RNF31: variants seen among roughly 807,000 people sequenced by gnomAD.
The protein encoded by RNF31 is E3 ubiquitin-protein ligase RNF31.
A neutral mutation model predicts 133.6 loss-of-function variants in RNF31; 38 were observed. The ratio of observed to expected loss-of-function variants is 0.28; its 90% CI spans 0.22 to 0.37. The LOEUF (loss-of-function observed/expected upper bound fraction) is 0.37, where lower values mean the gene tolerates loss of function less well. RNF31 is among the 10% of genes least tolerant of loss of function. RNF31 has a pLI of 1.00. For synonymous variants in RNF31, 582 were observed against 552.3 expected, an observed-to-expected ratio of 1.05 and a Z score of -0.75; for missense variants, 1,118 against 1,394.1, an observed-to-expected ratio of 0.80 and a Z score of 3.15.
Position 24,149,417 on chromosome 14 carries a change from G to C in RNF31, c.643G>C (p.Gly215Arg), listed in dbSNP as rs775351085. 1.4e-5 allele frequency: 23 copies of C among 1,613,828 alleles called. No homozygotes were observed. The highest frequency in any genetic ancestry group is 1.9e-5 in the Non-Finnish European group (22 of 1,179,792). Residue 215 changes from glycine to arginine, a missense_variant, in exon 6 of 21, where the codon GGT (glycine) becomes CGT (arginine). Gly to Arg is a moderately radical substitution (Grantham distance 125). Around this residue, in one of 3 missense-constraint regions of RNF31, gnomAD observed 747 missense variants for 827.9 expected, o/e 0.90. Transcript: ENST00000324103. ...TTPSVPGSTP[G>R]PCFLCGSAPG... Reference sequence around the variant, plus strand: ...CTCCTGCCCTCCAGGCTCCACTCCTGGTCCCTGCTTCCTCTGTGGTTCTGC... The same window carrying C: ...CTCCTGCCCTCCAGGCTCCACTCCTCGTCCCTGCTTCCTCTGTGGTTCTGC...
intron 2 of RNF31, 52 bp downstream of exon 2, chr14:24,148,174 C>T (rs2038200634): frequency 1.9e-6 from 3 of 1,613,108 alleles, no homozygotes; most frequent in South Asian, 2.2e-5. Context: ...CTAGAAAAGG[C>T]CTGAGGTTGT....
chr14:24,157,349 C>G lies in RNF31; in HGVS notation c.2553C>G (p.Asn851Lys). The change falls in exon 15 of 21, where the codon AAC (asparagine) becomes AAG (lysine). Residue 851 changes from asparagine to lysine, a missense_variant. Around this residue, in one of 3 missense-constraint regions of RNF31, gnomAD observed 201 missense variants for 371.7 expected, o/e 0.54. Transcript: ENST00000324103. ...CEDFQNWKRM[N>K]DPEYQAQGLA... is the part of the protein sequence containing the mutation. ...ACTTCCAGAACTGGAAACGCATGAA[C>G]GACCCAGAATACCAGGCCCAGGGCC... 5 of 1,612,748 alleles carry G rather than the reference C, an allele frequency of 3.1e-6. No individual in the cohort carries two copies. Among genetic ancestry groups the G allele is most frequent in the Non-Finnish European group, 4.2e-6 (5 of 1,178,862 alleles).
Position 24,148,420 on chromosome 14 carries a change from T to A in RNF31, c.495+7T>A. 6.2e-7 allele frequency: 1 copy of A among 1,613,520 alleles called. No homozygotes were observed. Among genetic ancestry groups the A allele is most frequent in the South Asian group, 1.1e-5 (1 of 91,048 alleles). On this transcript the variant is annotated splice_region_variant and intron_variant, in intron 3 of 20. Transcript: ENST00000324103. ...GCTCAGCCTGCTATTGCAGGTGAGATGCTCCTCTAGTCTTGATGGACTTAT... is the reference window on the plus strand; with the variant it reads ...GCTCAGCCTGCTATTGCAGGTGAGAAGCTCCTCTAGTCTTGATGGACTTAT...
In RNF31 at chr14:24,148,719, G is replaced by A. The variant is rs754488057; in HGVS notation, c.555+18G>A. On this transcript the variant is annotated intron_variant, in intron 4 of 20. Transcript: ENST00000324103. The stretch of plus-strand genomic sequence containing the variant: ...AAGATGATGTAAGGAAGGCAGGAAA[G>A]GGGCTGGTGTACAAAGGAAACAGGA... The A allele has an allele frequency of 2.5e-6, 4 of 1,614,086 alleles. No individual in the cohort carries two copies. The highest frequency in any genetic ancestry group is 1.6e-4 in the Middle Eastern group (1 of 6,062).
rs367834379 is a variant in RNF31 at position 24,151,430 on chromosome 14, A to C, written c.1737+51A>C. Reference sequence around the variant, plus strand: ...AGGGTCGAGAGTCTGCATCTCTCACACTCTCCCTTGCTTGCTTTCCCACTT... The same window carrying C: ...AGGGTCGAGAGTCTGCATCTCTCACCCTCTCCCTTGCTTGCTTTCCCACTT... On this transcript the variant is annotated intron_variant, in intron 9 of 20. Coordinates refer to ENST00000324103, the MANE Select transcript of RNF31 (RefSeq NM_017999.5). This position sits in a 1 kb window ranked among gnomAD's most constrained non-coding sequence, Gnocchi z 5.3. The C allele has an allele frequency of 5.6e-5, 90 of 1,612,308 alleles. 1 individual carries two copies. The South Asian group carries it at 9.4e-4, about 17-fold the overall frequency.
At position 24,148,883 on chromosome 14, in the gene RNF31, T is replaced by C. The variant is rs779132572; in HGVS notation, c.631+7T>C. 1.9e-6 allele frequency: 3 copies of C among 1,613,128 alleles called. No homozygotes were observed. The highest frequency in any genetic ancestry group is 4.5e-5 in the East Asian group (2 of 44,900). On this transcript the variant is annotated splice_region_variant and intron_variant, in intron 5 of 20. Transcript: ENST00000324103. ...ACCACACCCTCTGTCCCAGGTATTATTGGTCCTAAATTGGGGACCAGGTAG... is the reference window on the plus strand; with the variant it reads ...ACCACACCCTCTGTCCCAGGTATTACTGGTCCTAAATTGGGGACCAGGTAG...
At chr14:24,148,209 T>A in intron 2 of RNF31, 49 bp from the exon 3 acceptor site, 1 of 1,613,316 alleles carries the variant, frequency 6.2e-7, no homozygotes, top group Non-Finnish European at 8.5e-7. Context: ...GGTCCAGCCC[T>A]ACTAGGCAGG....
chr14:24,153,760 C>T (rs1003065190), intron 11 of RNF31, among the ~76,000 whole-genome samples: 67 of 151,374 alleles, frequency 4.4e-4, no homozygotes, highest in Non-Finnish European at 8.4e-4. Flanking sequence ...AAAAATTAGC[C>T]GGGTGTGGTA....
intron 17 of RNF31, 43 bp downstream of exon 17, chr14:24,158,054 G>T (rs1179205163): frequency 6.2e-7 from 1 of 1,611,832 alleles, no homozygotes; most frequent in Admixed American, 1.7e-5. Context: ...CCCAGGGTGG[G>T]CAAGAATGGA....
In RNF31 at chr14:24,147,969, C is replaced by T. The variant is rs1169184735; in HGVS notation, c.193-7C>T. On this transcript the variant is annotated splice_region_variant and splice_polypyrimidine_tract_variant and intron_variant, in intron 1 of 20. Coordinates refer to ENST00000324103, the MANE Select transcript of RNF31 (RefSeq NM_017999.5). Reference sequence around the variant, plus strand: ...CGCTCACACCTCTCTGCTCTCCTTGCTCCCAGCCCCGAAACTACCTCAACA... The same window carrying T: ...CGCTCACACCTCTCTGCTCTCCTTGTTCCCAGCCCCGAAACTACCTCAACA... The T allele has an allele frequency of 1.9e-6, 3 of 1,614,206 alleles. No individual in the cohort carries two copies. Among genetic ancestry groups the T allele is most frequent in the Non-Finnish European group, 2.5e-6 (3 of 1,180,032 alleles).
In RNF31 at chr14:24,150,736, C is replaced by T. The variant is rs552759870; in HGVS notation, c.1336C>T (p.Arg446Trp). The change falls in exon 8 of 21, where the codon CGG (arginine) becomes TGG (tryptophan). Residue 446 changes from arginine to tryptophan, a missense_variant. Physicochemically the swap from Arg to Trp is moderately radical, Grantham distance 101. This residue lies in a region of RNF31 where 747 missense variants were observed against 827.9 expected (regional missense o/e 0.90). Coordinates refer to ENST00000324103, the MANE Select transcript of RNF31 (RefSeq NM_017999.5). ...CCCCATTCCAGCACAACATGCCCCC[C>T]GGCCCTATGCCAGCTCTTTGGAAAA... Reference protein sequence around the residue: ...SSPIPAQHAPRPYASSLEKGP... With the variant: ...SSPIPAQHAPWPYASSLEKGP... The T allele has an allele frequency of 3.3e-5, 54 of 1,613,618 alleles. No individual in the cohort carries two copies. Among genetic ancestry groups the T allele is most frequent in the African/African-American group, 1.1e-4 (8 of 74,854 alleles).
In RNF31 at chr14:24,155,656, G is replaced by C. The variant is rs2038331515; in HGVS notation, c.2457G>C (p.Gln819His). The C allele has an allele frequency of 6.2e-7, 1 of 1,614,196 alleles. No individual in the cohort carries two copies. Among genetic ancestry groups the C allele is most frequent in the Non-Finnish European group, 8.5e-7 (1 of 1,180,042 alleles). The change falls in exon 14 of 21, where the codon CAG (glutamine) becomes CAC (histidine). Residue 819 changes from glutamine to histidine, a missense_variant. Around this residue, in one of 3 missense-constraint regions of RNF31, gnomAD observed 201 missense variants for 371.7 expected, o/e 0.54. Transcript: ENST00000324103. This position sits in a 1 kb window ranked among gnomAD's most constrained non-coding sequence, Gnocchi z 4.9. ...EREQLEATCP[Q>H]CHQTFCVRCK... is the part of the protein sequence containing the mutation. ...AGCAGCTGGAGGCAACTTGTCCCCA[G>C]TGTCACCAGACCTTCTGTGTGCGCT... is the stretch of plus-strand genomic sequence containing the variant.
chr14:24,149,854 G>C (rs1015744957), intron 6 of RNF31, among the ~76,000 whole-genome samples: 7 of 152,058 alleles, frequency 4.6e-5, no homozygotes, highest in Non-Finnish European at 8.8e-5. Flanking sequence ...GTCAGGCCAT[G>C]TGTTAGCAGT....
chr14:24,155,709 C>G lies in RNF31; in HGVS notation c.2493+17C>G. The G allele has an allele frequency of 6.2e-7, 1 of 1,609,372 alleles. No homozygotes were observed. The highest frequency in any genetic ancestry group is 8.5e-7 in the Non-Finnish European group (1 of 1,176,006). On this transcript the variant is annotated intron_variant, in intron 14 of 20. Transcript: ENST00000324103. The surrounding 1 kb of genome is among the most constrained non-coding windows in gnomAD (Gnocchi z 4.9). ...AAGCGCCAGGTGAGGCACATTCATC[C>G]TTTCAGAAATACTTGCTGAGCTACT...
chr14:24,154,220 C>T (rs1008894510), intron 11 of RNF31, among the ~76,000 whole-genome samples: 6 of 152,132 alleles, frequency 3.9e-5, no homozygotes, highest in African/African-American at 9.6e-5. Flanking sequence ...TGCAATGGTG[C>T]GATCTCGGCT....
intron 4 of RNF31, 26 bp from the exon 5 acceptor site, chr14:24,148,774 AT>A: frequency 3.1e-6 from 5 of 1,613,936 alleles, no homozygotes; most frequent in Non-Finnish European, 4.2e-6. Flanking sequence ...CTAAACCCTT[AT>A]TCATTCCCTG....
chr14:24,156,106 A>G (rs1324796016), intron 14 of RNF31, among the ~76,000 whole-genome samples: 39 of 152,160 alleles, frequency 2.6e-4, no homozygotes, highest in Non-Finnish European at 1.5e-4. Context: ...TGGGAGAGAA[A>G]GAACAACACA....
At chr14:24,158,483 A>G (rs927768596) in intron 18 of RNF31, 14 of 497,650 alleles carry the variant, frequency 2.8e-5, no homozygotes, top group Non-Finnish European at 5.0e-5. Context: ...TAATTAGTTC[A>G]ATGAGTGTTT....
chr14:24,154,347 G>A (rs1053815602), intron 11 of RNF31, among the ~76,000 whole-genome samples: 1 of 152,144 alleles, frequency 6.6e-6, no homozygotes, highest in Middle Eastern at 3.2e-3. Context: ...AGTAGAGACG[G>A]GTCAGGCTGG....
Sources: allele counts gnomAD v4.1 joint callset (sites outside exome capture counted in the v4.1 genomes callset), GRCh38; gene constraint gnomAD v4.1.1; regional missense constraint gnomAD v4.1.1; non-coding constraint Gnocchi (gnomAD v3.1); transcripts MANE v1.5; gene names NCBI Gene and HGNC (gene_info 2026-07-23, HGNC 2026-07-21).